Variants in LRRIQ1 observed in about 807,000 individuals in gnomAD.
LRRIQ1 encodes the protein leucine rich repeats and IQ motif containing 1, also known as leucine-rich repeat- and IQ domain-containing protein 1.
Under a neutral mutation model 211.9 loss-of-function variants are expected in LRRIQ1, and 210 were observed. That is an observed-to-expected ratio of 0.99 (90% CI 0.89 to 1.11). The LOEUF (loss-of-function observed/expected upper bound fraction) is 1.11, where lower values mean the gene tolerates loss of function less well. LRRIQ1 is among the 50% of genes most tolerant of loss of function. The pLI is 0.00. For missense variants in LRRIQ1, 2,136 were observed against 1,939.5 expected (o/e 1.10, Z -1.90); for synonymous variants, 699 against 650.1 (o/e 1.08, Z -1.14).
chr12:85,202,977 G>A (rs1893371545), intron 24 of LRRIQ1, among the ~76,000 whole-genome samples: 2 of 152,182 alleles, frequency 1.3e-5, no homozygotes, highest in East Asian at 3.9e-4. Flanking sequence ...GGCAGTTCTG[G>A]TGGTAGGAAT....
intron 19 of LRRIQ1, among the ~76,000 whole-genome samples, chr12:85,139,134 A>G (rs117612907): frequency 0.024 from 3,630 of 151,544 alleles, 62 homozygotes; most frequent in Non-Finnish European, 0.039. Flanking sequence ...TCCACCACTA[A>G]GAAGAATGAG....
chr12:85,057,462 T>C (rs867872755), intron 8 of LRRIQ1, among the ~76,000 whole-genome samples: 3 of 152,008 alleles, frequency 2.0e-5, no homozygotes, highest in Non-Finnish European at 4.4e-5. Flanking sequence ...TTTAAACCTC[T>C]AAGAATGGAA....
chr12:85,140,302 T>G (rs1351139510), intron 19 of LRRIQ1, among the ~76,000 whole-genome samples: 2 of 151,288 alleles, frequency 1.3e-5, no homozygotes, highest in Non-Finnish European at 3.0e-5. Context: ...TAGTACTGAC[T>G]ATAATAAAAT....
intron 10 of LRRIQ1, among the ~76,000 whole-genome samples, chr12:85,068,563 T>G (rs1882699676): frequency 1.3e-5 from 2 of 151,892 alleles, no homozygotes; most frequent in Admixed American, 1.3e-4. Flanking sequence ...TCCTTCATAC[T>G]TCAGGAGACA....
intron 17 of LRRIQ1, among the ~76,000 whole-genome samples, chr12:85,127,420 C>T (rs554590172): frequency 2.0e-5 from 3 of 152,320 alleles, no homozygotes; most frequent in Admixed American, 6.5e-5. Context: ...CTTCCTCTTA[C>T]ATTCGAAGGT....
intron 24 of LRRIQ1, among the ~76,000 whole-genome samples, chr12:85,162,958 T>G (rs1890972073): frequency 6.6e-6 from 1 of 152,234 alleles, no homozygotes; most frequent in Admixed American, 6.5e-5. Context: ...ATGTTTATTC[T>G]TGTCCCTCTT....
At chr12:85,174,281 G>A (rs190186194) in intron 24 of LRRIQ1, among the ~76,000 whole-genome samples, 1 of 151,850 alleles carries the variant, frequency 6.6e-6, no homozygotes, top group African/African-American at 2.4e-5. Flanking sequence ...AAAAAACTTG[G>A]CAGAAGATAT....
intron 26 of LRRIQ1, among the ~76,000 whole-genome samples, chr12:85,236,007 G>A (rs1367813250): frequency 1.3e-5 from 2 of 152,110 alleles, no homozygotes; most frequent in Admixed American, 6.6e-5. Context: ...GCAAGGTCAG[G>A]AATAGATCTA....
At chr12:85,184,297 T>C (rs1892129020) in intron 24 of LRRIQ1, among the ~76,000 whole-genome samples, 1 of 152,046 alleles carries the variant, frequency 6.6e-6, no homozygotes, top group Non-Finnish European at 1.5e-5. Flanking sequence ...AAAGATTAAC[T>C]TGCAGTGCAA....
chr12:85,261,616 C>G (rs1184693298), intron 1 of LRRIQ1, among the ~76,000 whole-genome samples: 1 of 151,736 alleles, frequency 6.6e-6, no homozygotes, highest in Non-Finnish European at 1.5e-5. Flanking sequence ...CATGTAGTTT[C>G]AACCTTTGCC....
chr12:85,090,365 C>G (rs1204228637), intron 11 of LRRIQ1, among the ~76,000 whole-genome samples: 1 of 152,154 alleles, frequency 6.6e-6, no homozygotes, highest in East Asian at 1.9e-4. Flanking sequence ...TACCACGGTC[C>G]TCCAGACTCA....
At chr12:85,090,007 T>G (rs2136222668) in intron 11 of LRRIQ1, among the ~76,000 whole-genome samples, 1 of 152,336 alleles carries the variant, frequency 6.6e-6, no homozygotes, top group African/African-American at 2.4e-5. Context: ...AGGGCCCCAC[T>G]GCCCTGTGTG....
intron 24 of LRRIQ1, among the ~76,000 whole-genome samples, chr12:85,196,390 C>A (rs985533380): frequency 6.6e-6 from 1 of 152,100 alleles, no homozygotes. Context: ...GCCAAAAGAA[C>A]AAAGCTGGAG....
intron 25 of LRRIQ1, among the ~76,000 whole-genome samples, chr12:85,230,716 T>A (rs1040886331): frequency 2.6e-5 from 4 of 152,176 alleles, no homozygotes; most frequent in Non-Finnish European, 4.4e-5. Context: ...GCTACATATA[T>A]CCACAAAGGA....
intron 3 of LRRIQ1, among the ~76,000 whole-genome samples, chr12:85,043,530 G>A (rs569906848): frequency 1.3e-5 from 2 of 152,166 alleles, no homozygotes; most frequent in African/African-American, 4.8e-5. Flanking sequence ...CAGACATCAT[G>A]CGTCATTTCT....
At chr12:85,068,925 A>G (rs1882745351) in intron 10 of LRRIQ1, among the ~76,000 whole-genome samples, 1 of 148,298 alleles carries the variant, frequency 6.7e-6, no homozygotes, top group African/African-American at 2.5e-5. Flanking sequence ...TTTCTTATTT[A>G]TTTATTTATT....
chr12:85,170,231 C>A (rs1891349098), intron 24 of LRRIQ1, among the ~76,000 whole-genome samples: 1 of 148,464 alleles, frequency 6.7e-6, no homozygotes, highest in Non-Finnish European at 1.5e-5. Context: ...TATTTGTGTT[C>A]TATTCCAAAG....
chr12:85,058,822 AATG>A (rs1405136604), intron 8 of LRRIQ1, among the ~76,000 whole-genome samples: 1 of 151,982 alleles, frequency 6.6e-6, no homozygotes, highest in East Asian at 1.9e-4. Context: ...AATGATTCTA[AATG>A]ATGATGTTGG....
intron 11 of LRRIQ1, among the ~76,000 whole-genome samples, chr12:85,090,653 AGTGT>A (rs1216461934): frequency 6.6e-6 from 1 of 152,218 alleles, no homozygotes; most frequent in African/African-American, 2.4e-5. Flanking sequence ...TTGGAATTGT[AGTGT>A]TTACCCAGTT....
Sources: allele counts gnomAD v4.1 joint callset (sites outside exome capture counted in the v4.1 genomes callset), GRCh38; gene constraint gnomAD v4.1.1; transcripts MANE v1.5; gene names NCBI Gene and HGNC (gene_info 2026-07-23, HGNC 2026-07-21).